The following ZNF320 variants were observed in gnomAD, a reference collection of about 807,000 sequenced individuals.
The protein encoded by ZNF320 is zinc finger gene 320.
ZNF320 carries 2 observed loss-of-function variants against 6.8 expected under a neutral mutation model. The ratio of observed to expected loss-of-function variants is 0.29; its 90% CI spans 0.12 to 0.93. The LOEUF (loss-of-function observed/expected upper bound fraction) is 0.93, where lower values mean the gene tolerates loss of function less well. ZNF320 is among the 40% of genes least tolerant of loss of function. The pLI, the probability that ZNF320 is intolerant of heterozygous loss-of-function variation, is 0.55. For synonymous variants in ZNF320, 208 were observed against 203.2 expected (o/e 1.02, Z -0.20); for missense variants, 472 against 611.0 (o/e 0.77, Z 2.40).
exon 6 of ZNF320, chr19:52,862,001 G>T: frequency 8.0e-6 from 3 of 374,698 alleles, no homozygotes; most frequent in South Asian, 6.5e-5. Context: ...CCTCAATCAT[G>T]ACATTTGTAA....
At chr19:52,899,623 G>A (rs1240296217), upstream of ZNF320, among the ~76,000 whole-genome samples, 1 of 151,964 alleles carries the variant, frequency 6.6e-6, no homozygotes, top group African/African-American at 2.4e-5. Flanking sequence ...CACCGCACCC[G>A]GCTAATTTTT....
At position 52,881,400 on chromosome 19, in the gene ZNF320, C is replaced by G. The variant is rs765827257; in HGVS notation, c.726G>C (p.Glu242Asp). ...CACACTCATTACACTTATAAGGTTT[C>G]TCTCCAGTATGACTTCTATGATGAC... ...LACHHRSHTG[E>D]KPYKCNECGK... The change falls in exon 6 of 6, where the codon GAG becomes GAC. Residue 242 changes from glutamate (E) to aspartate (D), a missense_variant. Glu to Asp is a conservative substitution (Grantham distance 45, BLOSUM62 2). Transcript: ENST00000682928. 3.7e-6 allele frequency: 6 copies of G among 1,614,068 alleles called. No homozygotes were observed. The South Asian group carries it at 5.5e-5, about 15-fold the overall frequency.
chr19:52,880,874 A>G lies in ZNF320; in HGVS notation c.1252T>C (p.Cys418Arg). The G allele has an allele frequency of 1.9e-6, 3 of 1,613,978 alleles. No individual in the cohort carries two copies. The highest frequency in any genetic ancestry group is 2.5e-6 in the Non-Finnish European group (3 of 1,179,874). Residue 418 changes from cysteine (C) to arginine (R), a missense_variant, in exon 6 of 6, where the codon TGT becomes CGT. Coordinates refer to ENST00000682928, the MANE Select transcript of ZNF320 (RefSeq NM_001351774.2). ...GATTTGCGAATGTAAACTTTGTCAC[A>G]TTCTTCACATTCGTAAAGTTTCTCT... ...TGEKLYECEE[C>R]DKVYIRKSHL...
At chr19:52,890,494 G>T in intron 3 of ZNF320, 166 bp from the exon 4 acceptor site, 3 of 566,544 alleles carry the variant, frequency 5.3e-6, no homozygotes, top group Non-Finnish European at 8.9e-6. Flanking sequence ...CTACCCTACT[G>T]GAGGAGTCCA....
chr19:52,875,530 T>A (rs1384097563), downstream of ZNF320, among the ~76,000 whole-genome samples: 2 of 152,160 alleles, frequency 1.3e-5, no homozygotes, highest in African/African-American at 2.4e-5. Context: ...AACATTCAAA[T>A]TACATCTGAG....
upstream of ZNF320, among the ~76,000 whole-genome samples, chr19:52,901,562 AG>A (rs2064571283): frequency 6.6e-6 from 1 of 152,156 alleles, no homozygotes; most frequent in Non-Finnish European, 1.5e-5. Flanking sequence ...AACTGAGTCC[AG>A]CACCTCTAAA....
chr19:52,863,405 T>A (rs2063497671), exon 6 of ZNF320, among the ~76,000 whole-genome samples: 1 of 151,944 alleles, frequency 6.6e-6, no homozygotes, highest in African/African-American at 2.4e-5. Flanking sequence ...AAGACCATTG[T>A]GGCCAACATG....
rs543185537 is a variant in ZNF320, at chr19:52,862,831, A to G, written c.*1198T>C. ...CTGAAAACGTTGTCACATTCTTTAC[A>G]TTTGTAAGGTTTCTCTCCAGTATGA... On this transcript the variant is annotated 3_prime_UTR_variant, in exon 6 of 6. Coordinates refer to the ZNF320 transcript ENST00000673631. 5 of 358,952 alleles carry G rather than the reference A, an allele frequency of 1.4e-5. No homozygotes were observed. In the Middle Eastern group the frequency reaches 1.4e-3, roughly 99 times the overall value. 22.2% of individuals were successfully genotyped at this position (358,952 alleles called of 1,614,324 possible).
At position 52,890,376 on chromosome 19, in the gene ZNF320, C is replaced by A. The variant is rs925060225; in HGVS notation, c.-73-48G>T. On this transcript the variant is annotated intron_variant, in intron 3 of 5. Coordinates refer to ENST00000682928, the MANE Select transcript of ZNF320 (RefSeq NM_001351774.2). ...TTATCACTGAGAATCAACACACCCC[C>A]TCCCCATAACACAATGACACATACA... 1.5e-5 allele frequency: 20 copies of A among 1,360,556 alleles called. No individual in the cohort carries two copies. The Admixed American group carries it at 3.8e-4, about 26-fold the overall frequency. The allele number at this position is 1,360,556 out of a possible 1,614,324, so 84.3% of individuals were successfully genotyped here. A position where few individuals can be genotyped will look rare whatever the true frequency, so the allele number is the denominator to read the frequency against.
At position 52,890,329 on chromosome 19, in the gene ZNF320, C is replaced by T; in HGVS notation, c.-73-1G>A. ...TACCAAGAGTCTTTAGAAGTCAATC[C>T]TAAATGTTAGAAATATGTTGTTTAT... On this transcript the variant is annotated splice_acceptor_variant, in intron 3 of 5. Coordinates refer to ENST00000682928, the MANE Select transcript of ZNF320 (RefSeq NM_001351774.2). LOFTEE classifies it low-confidence loss of function (5UTR_SPLICE). 7.7e-6 allele frequency: 12 copies of T among 1,559,852 alleles called. No homozygotes were observed. In the South Asian group the frequency reaches 1.2e-4, roughly 16 times the overall value.
intron 4 of ZNF320, among the ~76,000 whole-genome samples, chr19:52,889,460 T>A (rs1362842228): frequency 1.3e-5 from 2 of 151,704 alleles, no homozygotes; most frequent in African/African-American, 2.4e-5. Context: ...TCAGAAAAAA[T>A]AATAATAATA....
intron 2 of ZNF320, among the ~76,000 whole-genome samples, chr19:52,893,222 A>T (rs1461054610): frequency 1.3e-5 from 2 of 151,960 alleles, no homozygotes; most frequent in African/African-American, 4.8e-5. Context: ...GCAGGGAAGA[A>T]CACCTTGTGT....
chr19:52,864,711 A>C (rs887376129), intron 5 of ZNF320, among the ~76,000 whole-genome samples: 1 of 152,106 alleles, frequency 6.6e-6, no homozygotes, highest in Non-Finnish European at 1.5e-5. Context: ...ACTCCATCTC[A>C]ATAAAATAAA....
rs558843555 is a variant in ZNF320 at position 52,861,993 on chromosome 19, T to A, written c.*2036A>T. The A allele has an allele frequency of 4.6e-5, 17 of 370,258 alleles. No individual in the cohort carries two copies. In the East Asian group the frequency reaches 1.1e-3, roughly 24 times the overall value. 22.9% of individuals were successfully genotyped at this position (370,258 alleles called of 1,614,324 possible). On this transcript the variant is annotated 3_prime_UTR_variant, in exon 6 of 6. Transcript: ENST00000673631. ...ATGAAGCTTGACTGAAGACCTTGCCTCAATCATGACATTTGTAAGGTTTCT... is the reference window on the plus strand; with the variant it reads ...ATGAAGCTTGACTGAAGACCTTGCCACAATCATGACATTTGTAAGGTTTCT...
In ZNF320 at chr19:52,881,875, G is replaced by A; in HGVS notation, c.251C>T (p.Ala84Val). ...LQRQASYHIGAFCSQEIEKDI... is the reference protein window; with the variant it reads ...LQRQASYHIGVFCSQEIEKDI... ...TTTCTCAATTTCCTGGGAGCAAAAT[G>A]CTCCAATGTGATAACTTGCTTGTCT... is the stretch of plus-strand genomic sequence containing the variant. Residue 84 changes from alanine to valine, a missense_variant, in exon 6 of 6, where the codon GCA (alanine) becomes GTA (valine). By Grantham distance (64) the Ala-to-Val change is moderately conservative (BLOSUM62 0). This residue lies in a region of ZNF320 where 462 missense variants were observed against 559.7 expected (regional missense o/e 0.83). Transcript: ENST00000682928. 6.2e-7 allele frequency: 1 copy of A among 1,613,814 alleles called. No individual in the cohort carries two copies. Among genetic ancestry groups the A allele is most frequent in the Non-Finnish European group, 8.5e-7 (1 of 1,179,778 alleles).
the ZNF320 span, among the ~76,000 whole-genome samples, chr19:52,903,048 A>G: frequency 6.6e-6 from 1 of 152,164 alleles, no homozygotes; most frequent in Non-Finnish European, 1.5e-5. Flanking sequence ...TCTTTTTACT[A>G]TAGGTATATT....
At chr19:52,868,348 A>G (rs968422429) in intron 5 of ZNF320, among the ~76,000 whole-genome samples, 1 of 151,956 alleles carries the variant, frequency 6.6e-6, no homozygotes, top group Admixed American at 6.6e-5. Flanking sequence ...CTCTACTTCA[A>G]ATACAAAATT....
upstream of ZNF320, among the ~76,000 whole-genome samples, chr19:52,898,299 A>C (rs867429325): frequency 1.2e-4 from 18 of 152,196 alleles, no homozygotes; most frequent in African/African-American, 3.9e-4. Context: ...GCCTCAGGCC[A>C]GGGAGGAGTG....
upstream of ZNF320, among the ~76,000 whole-genome samples, chr19:52,898,810 A>G (rs2064545962): frequency 6.6e-6 from 1 of 152,242 alleles, no homozygotes. Context: ...AATGTCTGGA[A>G]TCTATGAATA....
Sources: gnomAD v4.1 joint callset for allele counts (sites outside exome capture counted in the v4.1 genomes callset) on GRCh38, gnomAD v4.1.1 for gene constraint, gnomAD v4.1.1 regional missense constraint, MANE v1.5 for transcripts, NCBI Gene and HGNC (gene_info 2026-07-23, HGNC 2026-07-21) for gene names.